The following SMYD3 variants were observed in gnomAD, a reference collection of about 807,000 sequenced individuals.
SMYD3 encodes the protein SET and MYND domain containing 3.
SMYD3 carries 36 observed loss-of-function variants against 57.7 expected under a neutral mutation model. The observed-to-expected ratio is 0.62, with a 90% CI of 0.48 to 0.82. The LOEUF (loss-of-function observed/expected upper bound fraction) is 0.82, where lower values mean the gene tolerates loss of function less well. Ranked by LOEUF, SMYD3 falls within the 40% of genes least tolerant of loss-of-function variation. The pLI is 0.00. For missense variants in SMYD3, 515 were observed against 538.8 expected (o/e 0.96, Z 0.44); for synonymous variants, 211 against 195.0 (o/e 1.08, Z -0.68).
At chr1:246,044,692 C>G (rs893678547) in intron 5 of SMYD3, among the ~76,000 whole-genome samples, 1 of 151,930 alleles carries the variant, frequency 6.6e-6, no homozygotes, top group Non-Finnish European at 1.5e-5. Flanking sequence ...TACAGGTGTG[C>G]AACAAATTAG....
At chr1:245,836,623 T>C (rs936093637) in intron 10 of SMYD3, among the ~76,000 whole-genome samples, 5 of 152,194 alleles carry the variant, frequency 3.3e-5, no homozygotes, top group African/African-American at 7.2e-5. Context: ...TGCTGACAGA[T>C]GAAAGCTGGC....
chr1:246,222,074 C>T (rs2063264293), intron 5 of SMYD3, among the ~76,000 whole-genome samples: 1 of 152,098 alleles, frequency 6.6e-6, no homozygotes, highest in African/African-American at 2.4e-5. Context: ...TATTTGCCAA[C>T]AATTGGAAGG....
chr1:246,151,065 G>A (rs866362043), intron 5 of SMYD3, among the ~76,000 whole-genome samples: 15 of 152,148 alleles, frequency 9.9e-5, no homozygotes, highest in Middle Eastern at 6.8e-3. Context: ...GGCCAAGATG[G>A]TGAAACCCTG....
chr1:245,931,287 G>GTGAT (rs1320334291), intron 5 of SMYD3, among the ~76,000 whole-genome samples: 1 of 152,206 alleles, frequency 6.6e-6, no homozygotes, highest in Admixed American at 6.5e-5. Context: ...TATAGCCCAG[G>GTGAT]TGATAGACAA....
intron 1 of SMYD3, among the ~76,000 whole-genome samples, chr1:246,395,962 T>C (rs768560572): frequency 6.6e-6 from 1 of 152,114 alleles, no homozygotes; most frequent in Non-Finnish European, 1.5e-5. Flanking sequence ...CCTAAGATGA[T>C]AGGGTGGCTT....
At chr1:246,246,813 C>T (rs1367437544) in intron 5 of SMYD3, among the ~76,000 whole-genome samples, 2 of 150,164 alleles carry the variant, frequency 1.3e-5, no homozygotes. Flanking sequence ...CTGACTCTAA[C>T]ATTTACACTA....
At chr1:246,342,607 A>T (rs1362516778) in intron 2 of SMYD3, among the ~76,000 whole-genome samples, 2 of 152,342 alleles carry the variant, frequency 1.3e-5, no homozygotes, top group Middle Eastern at 3.4e-3. Flanking sequence ...GAGATTAGTG[A>T]TAGATATGAG....
chr1:246,177,333 G>A (rs1355686686), intron 5 of SMYD3, among the ~76,000 whole-genome samples: 1 of 152,036 alleles, frequency 6.6e-6, no homozygotes, highest in Non-Finnish European at 1.5e-5. Flanking sequence ...TTTAAAAGGA[G>A]GACAAAACAA....
chr1:246,448,450 A>C (rs2067579229), intron 1 of SMYD3, among the ~76,000 whole-genome samples: 1 of 152,120 alleles, frequency 6.6e-6, no homozygotes, highest in African/African-American at 2.4e-5. Context: ...GGGAATACCC[A>C]TCCCCAACAT....
intron 1 of SMYD3, among the ~76,000 whole-genome samples, chr1:246,403,073 C>A (rs902812418): frequency 1.3e-5 from 2 of 152,194 alleles, no homozygotes; most frequent in Non-Finnish European, 2.9e-5. Context: ...ATATGGCAAA[C>A]TTCTGATAAA....
At chr1:245,852,909 C>G (rs528399886) in intron 10 of SMYD3, among the ~76,000 whole-genome samples, 1 of 152,206 alleles carries the variant, frequency 6.6e-6, no homozygotes, top group African/African-American at 2.4e-5. Flanking sequence ...ATTAGGCATG[C>G]CAGATAATTC....
intron 5 of SMYD3, among the ~76,000 whole-genome samples, chr1:246,253,209 T>C (rs2063824518): frequency 6.6e-6 from 1 of 152,168 alleles, no homozygotes; most frequent in African/African-American, 2.4e-5. Flanking sequence ...GGGGTACAAA[T>C]GAGCCCATCA....
rs180950852 is a variant in SMYD3 at position 245,876,167 on chromosome 1, T to A, written c.814-12281A>T. Reference sequence around the variant, plus strand: ...ACACACACATCCCAGGAATATGCTTTAAGGGATACTGAGGGCTCCGACTTT... The same window carrying A: ...ACACACACATCCCAGGAATATGCTTAAAGGGATACTGAGGGCTCCGACTTT... On this transcript the variant is annotated intron_variant, in intron 8 of 11. Transcript: ENST00000490107. Among the ~76,000 whole-genome samples, 14 of 152,302 alleles carry A rather than the reference T, an allele frequency of 9.2e-5. No individual in the cohort carries two copies. In the East Asian group the frequency reaches 2.3e-3, roughly 25 times the overall value.
intron 5 of SMYD3, among the ~76,000 whole-genome samples, chr1:246,144,175 C>T (rs1327180361): frequency 3.9e-5 from 6 of 152,138 alleles, no homozygotes; most frequent in South Asian, 2.1e-4. Flanking sequence ...TACTAAAGAT[C>T]GGGATGCTGC....
At chr1:246,281,341 T>C (rs374437251) in intron 5 of SMYD3, among the ~76,000 whole-genome samples, 22 of 152,342 alleles carry the variant, frequency 1.4e-4, no homozygotes, top group African/African-American at 3.6e-4. Context: ...ATGGCTGCCA[T>C]TGATTGGCAA....
intron 11 of SMYD3, among the ~76,000 whole-genome samples, chr1:245,751,578 A>AAG (rs370696961): frequency 1.8e-5 from 2 of 113,576 alleles, no homozygotes; most frequent in African/African-American, 3.6e-5. Context: ...GAGAAAGAGA[A>AAG]AGAGAGAGAG....
chr1:245,800,092 C>T (rs1050958409), intron 10 of SMYD3, among the ~76,000 whole-genome samples: 1 of 152,016 alleles, frequency 6.6e-6, no homozygotes, highest in Non-Finnish European at 1.5e-5. Flanking sequence ...TGTCCTGTCC[C>T]GCTTCCTTCA....
chr1:246,062,851 T>C (rs1321419148), intron 5 of SMYD3, among the ~76,000 whole-genome samples: 2 of 152,192 alleles, frequency 1.3e-5, no homozygotes, highest in African/African-American at 2.4e-5. Context: ...ATTTTCCTGG[T>C]AACTTAATTT....
rs189584378 is a variant in SMYD3, at chr1:246,284,798, T to A, written c.531+42403A>T. On this transcript the variant is annotated intron_variant, in intron 5 of 11. Transcript: ENST00000490107. ...TTTCTCCTTAAGGGAGTATGGTAAA[T>A]TGTATTAATAGGTTTCTAATGTGAA... Among the ~76,000 whole-genome samples, 377 of 152,308 alleles carry A rather than the reference T, an allele frequency of 2.5e-3. 2 individuals carry two copies. The highest frequency in any genetic ancestry group is 8.8e-3 in the African/African-American group (364 of 41,566).
Sources: allele counts gnomAD v4.1 joint callset (sites outside exome capture counted in the v4.1 genomes callset), GRCh38; gene constraint gnomAD v4.1.1; transcripts MANE v1.5; gene names NCBI Gene and HGNC (gene_info 2026-07-23, HGNC 2026-07-21).